DFFB: variants seen among roughly 807,000 people sequenced by gnomAD.
DFFB encodes DNA fragmentation factor 40 kDa subunit.
DFFB carries 29 observed loss-of-function variants against 32.7 expected under a neutral mutation model. The observed-to-expected ratio is 0.89, with a 90% CI of 0.66 to 1.21. The LOEUF (loss-of-function observed/expected upper bound fraction) is 1.21, where lower values mean the gene tolerates loss of function less well. Ranked by LOEUF, DFFB falls within the 50% of genes most tolerant of loss-of-function variation. The pLI is 0.00. For missense variants in DFFB, 398 were observed against 440.6 expected, an observed-to-expected ratio of 0.90 and a Z score of 0.87; for synonymous variants, 170 against 177.1, an observed-to-expected ratio of 0.96 and a Z score of 0.32.
At chr1:3,867,932 G>T (rs1463669955) in intron 3 of DFFB, 42 bp from the exon 4 acceptor site, 3 of 1,596,238 alleles carry the variant, frequency 1.9e-6, no homozygotes, top group Non-Finnish European at 2.6e-6. Context: ...GAGGCCCCTG[G>T]CCTGCCCTGT....
At chr1:3,873,425 C>T (rs937681633) in intron 6 of DFFB, among the ~76,000 whole-genome samples, 8 of 151,858 alleles carry the variant, frequency 5.3e-5, no homozygotes, top group South Asian at 2.1e-4. Context: ...AAACGTTTTG[C>T]GACCAACATG....
At chr1:3,858,434 C>T (rs1335380104) in intron 1 of DFFB, among the ~76,000 whole-genome samples, 1 of 152,222 alleles carries the variant, frequency 6.6e-6, no homozygotes, top group East Asian at 1.9e-4. Flanking sequence ...CTATTTGAAG[C>T]GCCCTCAGGA....
chr1:3,871,605 A>G (rs115683625), intron 5 of DFFB, among the ~76,000 whole-genome samples: 1,647 of 152,250 alleles, frequency 0.011, 33 homozygotes, highest in African/African-American at 0.037. Flanking sequence ...AGAACTCTGA[A>G]TCTCCCTAAA....
At chr1:3,874,914 C>T (rs545496789) in intron 6 of DFFB, among the ~76,000 whole-genome samples, 9 of 151,926 alleles carry the variant, frequency 5.9e-5, no homozygotes, top group African/African-American at 1.9e-4. Flanking sequence ...TGTAGCTGCA[C>T]CTTTACCACA....
rs565441791 is a variant in DFFB at position 3,873,774 on chromosome 1, C to T, written c.782+1202C>T. 7.9e-4 allele frequency among the ~76,000 whole-genome samples: 121 copies of T among 152,232 alleles called. 2 individuals carry two copies. Among genetic ancestry groups the T allele is most frequent in the Admixed American group, 4.6e-3 (70 of 15,284 alleles). ...GGTTACAGGTGTGAGCCACTGCATC[C>T]GGCCAGATGTGGGATTTTTTTAAGG... On this transcript the variant is annotated intron_variant, in intron 6 of 6. Transcript: ENST00000378209.
chr1:3,859,841 C>T (rs1256718145), intron 2 of DFFB, among the ~76,000 whole-genome samples: 1 of 152,176 alleles, frequency 6.6e-6, no homozygotes, highest in African/African-American at 2.4e-5. Flanking sequence ...CAGGGTATGC[C>T]TCACCTTTGG....
intron 2 of DFFB, 116 bp downstream of exon 2, chr1:3,858,960 G>T: frequency 6.9e-7 from 1 of 1,451,428 alleles, no homozygotes; most frequent in South Asian, 1.3e-5. Context: ...TGAACTCTCG[G>T]GTCTCAAGGA....
intron 5 of DFFB, among the ~76,000 whole-genome samples, chr1:3,871,374 C>T (rs35787084): frequency 0.091 from 13,823 of 152,246 alleles, 821 homozygotes; most frequent in Non-Finnish European, 0.13. Flanking sequence ...GCAACCTCTG[C>T]CTCCCAGGTT....
chr1:3,883,307 A>G (rs1638221348), intron 6 of DFFB, among the ~76,000 whole-genome samples, 200 bp from the exon 7 acceptor site: 7 of 152,228 alleles, frequency 4.6e-5, no homozygotes, highest in Admixed American at 3.3e-4. Flanking sequence ...GCCCGGCCAC[A>G]AGTCAAGTTT....
chr1:3,866,495 C>G (rs1269360423), intron 3 of DFFB: 1 of 192,384 alleles, frequency 5.2e-6, no homozygotes, highest in Non-Finnish European at 1.1e-5. Context: ...ATCTCAGCCT[C>G]CCAAAGTGCT....
chr1:3,869,611 T>G lies in DFFB; in HGVS notation c.517T>G (p.Ser173Ala), dbSNP rs757325797. The G allele has an allele frequency of 6.2e-7, 1 of 1,610,154 alleles. No individual in the cohort carries two copies. Among genetic ancestry groups the G allele is most frequent in the South Asian group, 1.1e-5 (1 of 90,952 alleles). The change falls in exon 5 of 7, where the codon TCC (serine) becomes GCC (alanine). Residue 173 changes from serine (S) to alanine (A), a missense_variant. Transcript: ENST00000378209. ...CGTTCCTTGGTTCCTCCAGGTGAGC[T>G]CCTACCCCTCCACGGTGGGTGCGGA... ...RIRSYLREVS[S>A]YPSTVGAEAQ...
intron 2 of DFFB, among the ~76,000 whole-genome samples, chr1:3,861,111 GCCATTGCACT>G (rs1486262343): frequency 2.1e-5 from 3 of 144,042 alleles, no homozygotes; most frequent in Non-Finnish European, 4.5e-5. Flanking sequence ...CTGAGATTGT[GCCATTGCACT>G]CTAGCCTGGG....
chr1:3,883,705 G>A lies in DFFB; in HGVS notation c.981G>A (p.Arg327=), dbSNP rs1638250291. Residue 327 remains arginine, a synonymous_variant, in exon 7 of 7, where the codon AGG becomes AGA. Coordinates refer to ENST00000378209, the MANE Select transcript of DFFB (RefSeq NM_004402.4). ...GCAGAATCTACAAACCCCAGACAAG[G>A]TTGAAGCGGAAGCAGCCTGTGCGGA... ...DPSRIYKPQT[R]LKRKQPVRKR... The A allele has an allele frequency of 6.2e-7, 1 of 1,614,150 alleles. No individual in the cohort carries two copies. The highest frequency in any genetic ancestry group is 8.5e-7 in the Non-Finnish European group (1 of 1,180,038).
At chr1:3,869,522 C>T (rs1645066946) in intron 4 of DFFB, 83 bp from the exon 5 acceptor site, 3 of 1,412,866 alleles carry the variant, frequency 2.1e-6, no homozygotes, top group Non-Finnish European at 9.7e-7. Flanking sequence ...TCTCAGAGGG[C>T]CATGGAGTGA....
At chr1:3,863,222 G>T (rs929686792) in intron 2 of DFFB, among the ~76,000 whole-genome samples, 1 of 152,184 alleles carries the variant, frequency 6.6e-6, no homozygotes, top group African/African-American at 2.4e-5. Flanking sequence ...ATGGGCAAAG[G>T]TTCTGAAAAG....
At chr1:3,872,631 T>TGTCCCAGCCGC in intron 6 of DFFB, 59 bp downstream of exon 6, 2 of 1,397,724 alleles carry the variant, frequency 1.4e-6, no homozygotes, top group Non-Finnish European at 2.0e-6. Context: ...GTCCCTGCCG[T>TGTCCCAGCCGC]GGCCCTGTCC....
At chr1:3,859,078 A>G (rs1310985447) in intron 2 of DFFB, among the ~76,000 whole-genome samples, 4 of 152,166 alleles carry the variant, frequency 2.6e-5, no homozygotes, top group African/African-American at 9.7e-5. Flanking sequence ...TCTTCAAAAA[A>G]TCTTTTAATT....
At chr1:3,873,877 G>A (rs1645168454) in intron 6 of DFFB, among the ~76,000 whole-genome samples, 1 of 152,206 alleles carries the variant, frequency 6.6e-6, no homozygotes, top group Non-Finnish European at 1.5e-5. Flanking sequence ...CTGGTCCCCA[G>A]CATTTCAGAT....
At chr1:3,870,348 G>A (rs1043169998) in intron 5 of DFFB, among the ~76,000 whole-genome samples, 10 of 152,208 alleles carry the variant, frequency 6.6e-5, no homozygotes, top group African/African-American at 2.4e-4. Context: ...GTGATCTTCC[G>A]AGTGCCACTC....
Sources: gnomAD v4.1 joint callset for allele counts (sites outside exome capture counted in the v4.1 genomes callset) on GRCh38, gnomAD v4.1.1 for gene constraint, MANE v1.5 for transcripts, NCBI Gene and HGNC (gene_info 2026-07-23, HGNC 2026-07-21) for gene names.